The following GPS2 variants were observed in gnomAD, a reference collection of about 807,000 sequenced individuals.
GPS2 encodes GPS-2.
A neutral mutation model predicts 48.1 loss-of-function variants in GPS2; 22 were observed. The ratio of observed to expected loss-of-function variants is 0.46; its 90% CI spans 0.33 to 0.65. GPS2 has a LOEUF of 0.65. Ranked by LOEUF, GPS2 falls within the 30% of genes least tolerant of loss-of-function variation. The pLI is 0.03. For missense variants in GPS2, 366 were observed against 406.8 expected, an observed-to-expected ratio of 0.90 and a Z score of 0.86; for synonymous variants, 202 against 142.5, an observed-to-expected ratio of 1.42 and a Z score of -2.98.
At chr17:7,314,196 G>A (rs1160474298) in intron 4 of GPS2, 37 bp from the exon 5 acceptor site, 5 of 1,593,868 alleles carry the variant, frequency 3.1e-6, no homozygotes, top group African/African-American at 2.7e-5. Context: ...GTCAAGGACA[G>A]ATGCCTTCTC....
chr17:7,314,518 C>T lies in GPS2; in HGVS notation c.174G>A (p.Glu58=). The T allele has an allele frequency of 1.2e-6, 2 of 1,614,136 alleles. No homozygotes were observed. Among genetic ancestry groups the T allele is most frequent in the Admixed American group, 1.7e-5 (1 of 60,026 alleles). The change falls in exon 3 of 11, where the codon GAG becomes GAA. Residue 58 remains glutamate (E), a synonymous_variant. Coordinates refer to ENST00000380728, the MANE Select transcript of GPS2 (RefSeq NM_004489.5). Reference sequence around the variant, plus strand: ...CCTTGGTCTCCTCTAATGACATTCTCTCTTCCATCTCCTTTTTCTTCCTTC... The same window carrying T: ...CCTTGGTCTCCTCTAATGACATTCTTTCTTCCATCTCCTTTTTCTTCCTTC... ...QERRKKKEME[E]RMSLEETKEQ... is the part of the protein sequence containing the mutation.
rs376755491 is a variant in GPS2, at chr17:7,313,209, C to T, written c.804+3G>A. The T allele has an allele frequency of 2.5e-6, 4 of 1,613,690 alleles. No individual in the cohort carries two copies. Among genetic ancestry groups the T allele is most frequent in the Non-Finnish European group, 3.4e-6 (4 of 1,179,704 alleles). ...CCCTGACCTCCCAAGGTGCCATACT[C>T]ACTGAGTCGGAGAAGCCAGTCTGCT... On this transcript the variant is annotated splice_donor_region_variant and intron_variant, in intron 9 of 10. Transcript: ENST00000380728.
At chr17:7,314,859 C>T in intron 2 of GPS2, 100 bp downstream of exon 2, 2 of 1,418,960 alleles carry the variant, frequency 1.4e-6, no homozygotes, top group East Asian at 2.5e-5. Flanking sequence ...CTCCTCTGCG[C>T]TCGGCAGCGG....
intron 6 of GPS2, 27 bp from the exon 7 acceptor site, chr17:7,313,748 T>C: frequency 1.2e-6 from 2 of 1,610,848 alleles, no homozygotes; most frequent in Non-Finnish European, 1.7e-6. Context: ...AGAACTCGCC[T>C]ACAAACTCCT....
chr17:7,314,126 C>T lies in GPS2; in HGVS notation c.351G>A (p.Gln117=). The change falls in exon 5 of 11, where the codon CAG becomes CAA. Residue 117 remains glutamine (Q), a synonymous_variant. Coordinates refer to ENST00000380728, the MANE Select transcript of GPS2 (RefSeq NM_004489.5). ...TTCCTGTGTGAACAGTCAGGCTCTG[C>T]TGGTATGCAGCTGATGTTAGGGTGG... ...DLTTLTSAAY[Q]QSLTVHTGTH... 3.1e-6 allele frequency: 5 copies of T among 1,614,104 alleles called. No homozygotes were observed. The highest frequency in any genetic ancestry group is 4.2e-6 in the Non-Finnish European group (5 of 1,179,994).
At chr17:7,313,005 G>C in intron 10 of GPS2, 24 bp downstream of exon 10, 1 of 1,526,598 alleles carries the variant, frequency 6.6e-7, no homozygotes, top group East Asian at 2.3e-5. Flanking sequence ...GATTCTGACA[G>C]GTAAATTCTA....
Position 7,312,675 on chromosome 17 carries a change from T to G in GPS2, c.*81A>C. 1 of 1,143,980 alleles carries G rather than the reference T, an allele frequency of 8.7e-7. No individual in the cohort carries two copies. Among genetic ancestry groups the G allele is most frequent in the Non-Finnish European group, 1.3e-6 (1 of 755,178 alleles). The allele number at this position is 1,143,980 out of a possible 1,614,324, so 70.9% of individuals were successfully genotyped here. ...GCAGCCAGGGGCAGTGGCAGGTAGATTTTATTGGCCTGGGACACACAGGGG... is the reference window on the plus strand; with the variant it reads ...GCAGCCAGGGGCAGTGGCAGGTAGAGTTTATTGGCCTGGGACACACAGGGG... On this transcript the variant is annotated 3_prime_UTR_variant, in exon 11 of 11. Coordinates refer to ENST00000380728, the MANE Select transcript of GPS2 (RefSeq NM_004489.5).
At chr17:7,312,901 C>A (rs1037511334) in intron 10 of GPS2, 62 bp from the exon 11 acceptor site, 3 of 1,522,240 alleles carry the variant, frequency 2.0e-6, no homozygotes, top group South Asian at 2.2e-5. Flanking sequence ...CACTTAATAC[C>A]CTACTGATAA....
rs1485616229 is a variant in GPS2, at chr17:7,313,300, G to A, written c.725-9C>T. Reference sequence around the variant, plus strand: ...ACCAGGCTGGAGGAAACCTAGGTGGGGAAGAGGGGCATGTGAGATGAGAAT... The same window carrying A: ...ACCAGGCTGGAGGAAACCTAGGTGGAGAAGAGGGGCATGTGAGATGAGAAT... On this transcript the variant is annotated splice_polypyrimidine_tract_variant and intron_variant, in intron 8 of 10. Coordinates refer to ENST00000380728, the MANE Select transcript of GPS2 (RefSeq NM_004489.5). The A allele has an allele frequency of 2.5e-6, 4 of 1,613,390 alleles. No homozygotes were observed. The highest frequency in any genetic ancestry group is 2.2e-5 in the South Asian group (2 of 91,072).
chr17:7,315,338 C>T lies in GPS2; in HGVS notation c.-75G>A, dbSNP rs776239898. 74 of 392,720 alleles carry T rather than the reference C, an allele frequency of 1.9e-4. No individual in the cohort carries two copies. The highest frequency in any genetic ancestry group is 2.3e-4 in the Non-Finnish European group (52 of 222,770). 24.3% of individuals were successfully genotyped at this position (392,720 alleles called of 1,614,324 possible). On this transcript the variant is annotated 5_prime_UTR_variant, in exon 1 of 11. Coordinates refer to ENST00000380728, the MANE Select transcript of GPS2 (RefSeq NM_004489.5). ...GACGACTGCCCTTCCTACCCGCCTT[C>T]TCTGCGCTTTCTCAGCGGCTCCGAC...
chr17:7,313,072 A>G lies in GPS2; in HGVS notation c.857T>C (p.Leu286Pro). Reference sequence around the variant, plus strand: ...CTGCACAGGGAGCTGGGGGGAAGCAAGGAGTCCAGGGGCTGGATGCAGAGC... The same window carrying G: ...CTGCACAGGGAGCTGGGGGGAAGCAGGGAGTCCAGGGGCTGGATGCAGAGC... ...PQALHPAPGL[L>P]ASPQLPVQMQ... is the part of the protein sequence containing the mutation. Residue 286 changes from leucine to proline, a missense_variant, in exon 10 of 11, where the codon CTT becomes CCT. Transcript: ENST00000380728. The G allele has an allele frequency of 6.4e-7, 1 of 1,561,518 alleles. No individual in the cohort carries two copies. The highest frequency in any genetic ancestry group is 1.8e-5 in the Admixed American group (1 of 54,432).
At position 7,314,355 on chromosome 17, in the gene GPS2, G is replaced by A; in HGVS notation, c.253C>T (p.Gln85Ter). ...KLLALQEEKHQLFLQLKKVLH... is the reference protein window; with the variant it reads ...KLLALQEEKH ...ACTTTCTTGAGCTGCAGGAAAAGCT[G>A]GTGCTTCTCTTCCTGTAGAGCCAAA... The change falls in exon 4 of 11, where the codon CAG becomes TAG. Residue 85 changes from glutamine (Q) to a stop codon, truncating the protein, a stop_gained. Coordinates refer to ENST00000380728, the MANE Select transcript of GPS2 (RefSeq NM_004489.5). LOFTEE classifies it high-confidence loss of function. 6.2e-7 allele frequency: 1 copy of A among 1,614,142 alleles called. No individual in the cohort carries two copies. Among genetic ancestry groups the A allele is most frequent in the Non-Finnish European group, 8.5e-7 (1 of 1,180,026 alleles).
Position 7,313,041 on chromosome 17 carries a change from C to T in GPS2, c.888G>A (p.Gln296=). 2 of 1,549,112 alleles carry T rather than the reference C, an allele frequency of 1.3e-6. No individual in the cohort carries two copies. The highest frequency in any genetic ancestry group is 1.4e-5 in the African/African-American group (1 of 73,152). Residue 296 remains glutamine (Q), a synonymous_variant, in exon 10 of 11, where the codon CAG becomes CAA. Transcript: ENST00000380728. ...LASPQLPVQM[Q]PAGKSGFAAT... ...TTACCATTCTTACCTTTCCTGCTGG[C>T]TGCATCTGCACAGGGAGCTGGGGGG...
rs1567615028 is a variant in GPS2, at chr17:7,312,810, G to A, written c.930C>T (p.Gly310=). ...TGTGTTGGATGAAGGGGAGCCGAGG[G>A]CCAGGTTGGCTGGTAGCTGCAAAGC... is the stretch of plus-strand genomic sequence containing the variant. ...KSGFAATSQP[G]PRLPFIQHSQ... is the part of the protein sequence containing the mutation. Residue 310 remains glycine (G), a synonymous_variant, in exon 11 of 11, where the codon GGC becomes GGT. Transcript: ENST00000380728. The A allele has an allele frequency of 2.5e-6, 4 of 1,614,106 alleles. No individual in the cohort carries two copies. The highest frequency in any genetic ancestry group is 3.4e-6 in the Non-Finnish European group (4 of 1,179,980).
intron 6 of GPS2, 69 bp from the exon 7 acceptor site, chr17:7,313,790 C>G: frequency 1.3e-6 from 2 of 1,584,232 alleles, no homozygotes; most frequent in Non-Finnish European, 1.7e-6. Context: ...TTGTGTGTAT[C>G]TGTATGCCCC....
Position 7,314,166 on chromosome 17 carries a change from T to C in GPS2, c.318-7A>G. On this transcript the variant is annotated splice_polypyrimidine_tract_variant and splice_region_variant and intron_variant, in intron 4 of 10. Transcript: ENST00000380728. Reference sequence around the variant, plus strand: ...TGTTAGGGTGGTCAGGTCACTGGAGTGAAAGGAAGACAGGTCAAAGTCAAG... The same window carrying C: ...TGTTAGGGTGGTCAGGTCACTGGAGCGAAAGGAAGACAGGTCAAAGTCAAG... 1 of 1,610,930 alleles carries C rather than the reference T, an allele frequency of 6.2e-7. No homozygotes were observed. Among genetic ancestry groups the C allele is most frequent in the Non-Finnish European group, 8.5e-7 (1 of 1,178,452 alleles).
Position 7,314,428 on chromosome 17 carries a change from T to C in GPS2, c.205-25A>G, listed in dbSNP as rs1191989105. The C allele has an allele frequency of 1.9e-6, 3 of 1,614,048 alleles. No individual in the cohort carries two copies. In the East Asian group the frequency reaches 6.7e-5, roughly 36 times the overall value. On this transcript the variant is annotated intron_variant, in intron 3 of 10. Transcript: ENST00000380728. ...TCTGGGATGGGGTGGGAAAAGAAGATGAAGGCAGGGAGAGTCAAACGAAGA... is the reference window on the plus strand; with the variant it reads ...TCTGGGATGGGGTGGGAAAAGAAGACGAAGGCAGGGAGAGTCAAACGAAGA...
chr17:7,314,630 G>A (rs878878710), intron 2 of GPS2, 33 bp from the exon 3 acceptor site: 8 of 1,613,422 alleles, frequency 5.0e-6, no homozygotes, highest in Non-Finnish European at 6.8e-6. Flanking sequence ...GAAGAGGCAG[G>A]GTAGTGAAAA....
At position 7,313,138 on chromosome 17, in the gene GPS2, A is replaced by C. The variant is rs776342956; in HGVS notation, c.805-14T>G. On this transcript the variant is annotated splice_polypyrimidine_tract_variant and intron_variant, in intron 9 of 10. Coordinates refer to ENST00000380728, the MANE Select transcript of GPS2 (RefSeq NM_004489.5). ...GCGCAGAGAGGACTGCAGAGAACAG[A>C]GTCAGGGCCTGAGGCATACTGAAGC... is the stretch of plus-strand genomic sequence containing the variant. 1 of 1,608,694 alleles carries C rather than the reference A, an allele frequency of 6.2e-7. No homozygotes were observed. The highest frequency in any genetic ancestry group is 8.5e-7 in the Non-Finnish European group (1 of 1,175,622).
Sources: allele counts gnomAD v4.1 joint callset, GRCh38; gene constraint gnomAD v4.1.1; transcripts MANE v1.5; gene names NCBI Gene and HGNC (gene_info 2026-07-23, HGNC 2026-07-21).